Variants in DPY19L3 observed in about 807,000 individuals in gnomAD.
The protein encoded by DPY19L3 is dpy-19 like C-mannosyltransferase 3, also known as protein C-mannosyl-transferase DPY19L3.
Under a neutral mutation model 92.3 loss-of-function variants are expected in DPY19L3, and 51 were observed. The observed-to-expected ratio is 0.55, with a 90% CI of 0.44 to 0.70. The LOEUF (loss-of-function observed/expected upper bound fraction) is 0.70. DPY19L3 is among the 30% of genes least tolerant of loss of function. The pLI, the probability that DPY19L3 is intolerant of heterozygous loss-of-function variation, is 0.00. For missense variants in DPY19L3, 706 were observed against 855.9 expected, an observed-to-expected ratio of 0.82 and a Z score of 2.18; for synonymous variants, 309 against 315.2, an observed-to-expected ratio of 0.98 and a Z score of 0.21.
chr19:32,413,974 T>C (rs1027968779), intron 3 of DPY19L3, among the ~76,000 whole-genome samples: 1 of 152,064 alleles, frequency 6.6e-6, no homozygotes, highest in African/African-American at 2.4e-5. Flanking sequence ...TCCTCCTGCG[T>C]TGGCCTCCCA....
chr19:32,415,445 G>A (rs2145412222), intron 3 of DPY19L3, among the ~76,000 whole-genome samples: 1 of 152,310 alleles, frequency 6.6e-6, no homozygotes, highest in South Asian at 2.1e-4. Context: ...AGCCTGGCTA[G>A]AGAGTACAAG....
intron 4 of DPY19L3, among the ~76,000 whole-genome samples, chr19:32,433,792 G>A (rs1407816395): frequency 1.3e-5 from 2 of 152,096 alleles, no homozygotes; most frequent in African/African-American, 4.8e-5. Context: ...CTTTGGTTTT[G>A]TGCCATAAAA....
Position 32,485,528 on chromosome 19 carries a change from T to A in DPY19L3, c.*3288T>A, listed in dbSNP as rs895955586. 1 of 152,242 alleles carries A rather than the reference T, an allele frequency of 6.6e-6. No individual in the cohort carries two copies. The highest frequency in any genetic ancestry group is 2.4e-5 in the African/African-American group (1 of 41,462). The allele number at this position is 152,242 out of a possible 1,614,324, so 9.4% of individuals were successfully genotyped here. A position where few individuals can be genotyped will look rare whatever the true frequency, so the allele number is the denominator to read the frequency against. ...TAAAAGTAAAAATGTCTATTCTGAT[T>A]CCATATTGATTTTGTCTAAGATGTA... On this transcript the variant is annotated 3_prime_UTR_variant, in exon 19 of 19. Coordinates refer to ENST00000392250, the MANE Select transcript of DPY19L3 (RefSeq NM_001172774.2).
rs1239398341 is a variant in DPY19L3, at chr19:32,448,906, T to C, written c.856-4239T>C. Among the ~76,000 whole-genome samples, 5 of 152,222 alleles carry C rather than the reference T, an allele frequency of 3.3e-5. No homozygotes were observed. The East Asian group carries it at 7.7e-4, about 23-fold the overall frequency. ...CTGCTCAATTTTACATTTTTGGCTGTTCATCAGCAATTTTTCTTTTGAATG... is the reference window on the plus strand; with the variant it reads ...CTGCTCAATTTTACATTTTTGGCTGCTCATCAGCAATTTTTCTTTTGAATG... On this transcript the variant is annotated intron_variant, in intron 8 of 18. Coordinates refer to ENST00000392250, the MANE Select transcript of DPY19L3 (RefSeq NM_001172774.2).
At chr19:32,466,534 C>A (rs189909605) in intron 15 of DPY19L3, among the ~76,000 whole-genome samples, 37 of 152,350 alleles carry the variant, frequency 2.4e-4, no homozygotes, top group African/African-American at 8.4e-4. Flanking sequence ...AAGCACGTCT[C>A]CCCTGGCTAC....
At chr19:32,435,867 T>G (rs1969121340) in intron 4 of DPY19L3, among the ~76,000 whole-genome samples, 2 of 152,230 alleles carry the variant, frequency 1.3e-5, no homozygotes, top group African/African-American at 2.4e-5. Flanking sequence ...ATCCTTCTCA[T>G]GACATGTCTG....
chr19:32,471,633 A>G (rs1970361127), intron 16 of DPY19L3, among the ~76,000 whole-genome samples: 1 of 152,116 alleles, frequency 6.6e-6, no homozygotes, highest in Admixed American at 6.5e-5. Flanking sequence ...CACACCCCAC[A>G]TGAGGCATTA....
At chr19:32,470,870 G>T (rs1196695259) in intron 16 of DPY19L3, among the ~76,000 whole-genome samples, 4 of 137,160 alleles carry the variant, frequency 2.9e-5, no homozygotes, top group African/African-American at 1.1e-4. Context: ...TCTAGTCTCA[G>T]CTTTTTCCCC....
At chr19:32,443,978 C>T (rs776339202) in intron 8 of DPY19L3, among the ~76,000 whole-genome samples, 2 of 149,858 alleles carry the variant, frequency 1.3e-5, no homozygotes, top group Middle Eastern at 3.4e-3. Flanking sequence ...ATAGCTTGAG[C>T]GAGCCAAGAT....
In DPY19L3 at chr19:32,467,605, A is replaced by G. The variant is rs61743278; in HGVS notation, c.1615-1126A>G. The G allele has an allele frequency of 2.0e-3, 1,939 of 987,628 alleles. 36 individuals are homozygous for G. The African/African-American group carries it at 0.032, about 16-fold the overall frequency. 61.2% of individuals were successfully genotyped at this position (987,628 alleles called of 1,614,324 possible). ...ACCAAAAAAACAGTGATAGGTCTCA[A>G]ACACAGCCAGAGATCAATCAGGTGC... is the stretch of plus-strand genomic sequence containing the variant. On this transcript the variant is annotated intron_variant, in intron 15 of 18. Transcript: ENST00000392250.
Position 32,469,518 on chromosome 19 carries a change from AAAG to A in DPY19L3, c.1697+708_1697+710del, listed in dbSNP as rs370237765. Among the ~76,000 whole-genome samples the A allele has an allele frequency of 2.6e-3, 402 of 152,114 alleles. 2 individuals are homozygous for A. Among genetic ancestry groups the A allele is most frequent in the African/African-American group, 8.9e-3 (371 of 41,524 alleles). ...CTAAAAAAAAAAAAAAAGAAAGAAA[AAAG>A]AAAAAATATTCTTTCCTTGTTTTTT... On this transcript the variant is annotated intron_variant, in intron 16 of 18. Transcript: ENST00000392250.
At chr19:32,478,439 G>T (rs550810878) in intron 17 of DPY19L3, among the ~76,000 whole-genome samples, 13 of 152,282 alleles carry the variant, frequency 8.5e-5, no homozygotes, top group African/African-American at 3.1e-4. Flanking sequence ...TGGGGTTTTT[G>T]TTTTTTAATA....
intron 3 of DPY19L3, chr19:32,412,497 A>C (rs1213367550): frequency 1.3e-5 from 2 of 150,554 alleles, no homozygotes; most frequent in African/African-American, 2.4e-5. Context: ...CCACTGCTTT[A>C]AATCATGGGG....
At chr19:32,480,746 G>A (rs572422300) in intron 18 of DPY19L3, 189 bp downstream of exon 18, 111 of 780,244 alleles carry the variant, frequency 1.4e-4, no homozygotes, top group Admixed American at 6.7e-4. Context: ...CCGGGGCTGG[G>A]CAAGGGAGAG....
At chr19:32,456,323 C>T (rs1267024476) in intron 10 of DPY19L3, among the ~76,000 whole-genome samples, 1 of 152,202 alleles carries the variant, frequency 6.6e-6, no homozygotes, top group East Asian at 1.9e-4. Flanking sequence ...AGTCCACCTG[C>T]CTTGGCCTCC....
intron 8 of DPY19L3, among the ~76,000 whole-genome samples, chr19:32,447,770 TAGA>T (rs749762154): frequency 0.06 from 8,650 of 143,484 alleles, 320 homozygotes; most frequent in African/African-American, 0.094. Flanking sequence ...GATAGATAGA[TAGA>T]TAGATTAGAT....
In DPY19L3 at chr19:32,438,859, T is replaced by C. The variant is rs1043800869; in HGVS notation, c.597-253T>C. ...ACATTTGTGAGTTTAGGAGTAAGGC[T>C]AACCTGGGCTTGAACCCTAGGTGCT... is the stretch of plus-strand genomic sequence containing the variant. On this transcript the variant is annotated intron_variant, in intron 6 of 18. Coordinates refer to ENST00000392250, the MANE Select transcript of DPY19L3 (RefSeq NM_001172774.2). The C allele has an allele frequency of 2.9e-5, 10 of 345,542 alleles. No homozygotes were observed. In the South Asian group the frequency reaches 5.0e-4, roughly 17 times the overall value. 21.4% of individuals were successfully genotyped at this position (345,542 alleles called of 1,614,324 possible).
intron 8 of DPY19L3, among the ~76,000 whole-genome samples, chr19:32,444,563 C>T (rs956861852): frequency 3.3e-5 from 5 of 151,982 alleles, no homozygotes; most frequent in South Asian, 2.1e-4. Flanking sequence ...GAAATACTTT[C>T]GGAAAAAATA....
At chr19:32,438,774 TG>T (rs1568338185) in intron 6 of DPY19L3, among the ~76,000 whole-genome samples, 1 of 152,184 alleles carries the variant, frequency 6.6e-6, no homozygotes, top group African/African-American at 2.4e-5. Flanking sequence ...AGGGAAAATG[TG>T]TATTGCCTCT....
Sources: allele counts gnomAD v4.1 joint callset (sites outside exome capture counted in the v4.1 genomes callset), GRCh38; gene constraint gnomAD v4.1.1; transcripts MANE v1.5; gene names NCBI Gene and HGNC (gene_info 2026-07-23, HGNC 2026-07-21).